TGM2: variants seen among roughly 807,000 people sequenced by gnomAD.
TGM2 encodes transglutaminase 2.
TGM2 carries 53 observed loss-of-function variants against 75.6 expected under a neutral mutation model. The ratio of observed to expected loss-of-function variants is 0.70; its 90% CI spans 0.56 to 0.88. The LOEUF (loss-of-function observed/expected upper bound fraction) is 0.88, where lower values mean the gene tolerates loss of function less well. Among genes scored for constraint, TGM2 ranks in the 40% least tolerant of loss-of-function variants. TGM2 has a pLI of 0.00. For synonymous variants in TGM2, 374 were observed against 381.1 expected, an observed-to-expected ratio of 0.98 and a Z score of 0.22; for missense variants, 842 against 928.5, an observed-to-expected ratio of 0.91 and a Z score of 1.21.
chr20:38,132,877 G>A, intron 10 of TGM2: 1 of 460,754 alleles, frequency 2.2e-6, no homozygotes, highest in Non-Finnish European at 4.4e-6. Context: ...GAAGAGCCTG[G>A]TGCGCTCGGG....
intron 10 of TGM2, among the ~76,000 whole-genome samples, chr20:38,136,803 G>T (rs553779537): frequency 6.6e-6 from 1 of 152,256 alleles, no homozygotes; most frequent in South Asian, 2.1e-4. Context: ...CTTGATTCCT[G>T]GTCCCTCACT....
At chr20:38,137,971 A>C in intron 10 of TGM2, 142 bp downstream of exon 10, 1 of 1,445,528 alleles carries the variant, frequency 6.9e-7, no homozygotes, top group Non-Finnish European at 9.1e-7. Context: ...ATATTTATAA[A>C]GTGCTTAGGA....
chr20:38,151,366 C>T (rs1384037196), intron 3 of TGM2, among the ~76,000 whole-genome samples: 1 of 152,066 alleles, frequency 6.6e-6, no homozygotes, highest in Non-Finnish European at 1.5e-5. Context: ...TCCTTGAAAG[C>T]CCCATTTTAA....
intron 10 of TGM2, among the ~76,000 whole-genome samples, chr20:38,136,861 G>A (rs1401708690): frequency 2.0e-5 from 3 of 152,184 alleles, no homozygotes; most frequent in Non-Finnish European, 4.4e-5. Context: ...AGGGCCTCAA[G>A]CTTATATTTA....
chr20:38,149,020 G>A (rs45581935), intron 4 of TGM2, among the ~76,000 whole-genome samples: 4,875 of 152,184 alleles, frequency 0.032, 158 homozygotes, highest in African/African-American at 0.084. Flanking sequence ...CTAATGTTCA[G>A]GGCTGTTCCA....
At chr20:38,144,522 C>A (rs1469798462) in intron 6 of TGM2, among the ~76,000 whole-genome samples, 1 of 152,180 alleles carries the variant, frequency 6.6e-6, no homozygotes, top group Admixed American at 6.6e-5. Flanking sequence ...GCTGGAATGC[C>A]AGGCTCCCCT....
intron 3 of TGM2, among the ~76,000 whole-genome samples, chr20:38,152,999 C>G (rs1415532697): frequency 7.0e-6 from 1 of 142,110 alleles, no homozygotes; most frequent in Non-Finnish European, 1.5e-5. Flanking sequence ...AGTTGCTACC[C>G]TCTGCAGATT....
In TGM2 at chr20:38,141,318, G is replaced by A; in HGVS notation, c.1063C>T (p.Gln355Ter). ...TCCTGGGGCGTTGGGTCCAGGGCCT[G>A]CCAGCCCTCGTACCCCGGCTGCAGG... ...PDLQPGYEGW[Q>*]ALDPTPQEKS... is the part of the protein sequence containing the mutation. Residue 355 changes from glutamine to a stop codon, truncating the protein, a stop_gained, in exon 8 of 13, where the codon CAG (glutamine) becomes TAG (stop). Coordinates refer to ENST00000361475, the MANE Select transcript of TGM2 (RefSeq NM_004613.4). LOFTEE classifies it high-confidence loss of function. 1.9e-6 allele frequency: 3 copies of A among 1,588,634 alleles called. No homozygotes were observed. The highest frequency in any genetic ancestry group is 2.7e-5 in the African/African-American group (2 of 74,702).
chr20:38,131,138 G>A lies in TGM2; in HGVS notation c.1868C>T (p.Thr623Ile), dbSNP rs775608378. 3.7e-6 allele frequency: 6 copies of A among 1,613,514 alleles called. No individual in the cohort carries two copies. Among genetic ancestry groups the A allele is most frequent in the Non-Finnish European group, 8.5e-7 (1 of 1,180,008 alleles). ...LPVALEGCTF[T>I]VEGAGLTEEQ... ...CTCAGTCAGGCCGGCCCCCTCCACA[G>A]TGAAGGTGCAGCCTTCCAGGGCCAC... is the stretch of plus-strand genomic sequence containing the variant. The change falls in exon 12 of 13, where the codon ACT becomes ATT. Residue 623 changes from threonine to isoleucine, a missense_variant. Thr to Ile is a moderately conservative substitution (Grantham distance 89). Coordinates refer to ENST00000361475, the MANE Select transcript of TGM2 (RefSeq NM_004613.4).
In TGM2 at chr20:38,155,972, T is replaced by A. The variant is rs377161987; in HGVS notation, c.308A>T (p.Gln103Leu). The A allele has an allele frequency of 2.3e-5, 37 of 1,613,338 alleles. No individual in the cohort carries two copies. The highest frequency in any genetic ancestry group is 3.1e-5 in the Non-Finnish European group (36 of 1,179,812). ...VDQQDCTLSLQLTTPANAPIG... is the reference protein window; with the variant it reads ...VDQQDCTLSLLLTTPANAPIG... ...GGGGGCGTTGGCCGGGGTGGTGAGC[T>A]GCAGCGAGAGGGTGCAGTCTTGCTG... The change falls in exon 3 of 13, where the codon CAG becomes CTG. Residue 103 changes from glutamine (Q) to leucine (L), a missense_variant. Gln to Leu is a moderately radical substitution (Grantham distance 113, BLOSUM62 -2). Coordinates refer to ENST00000361475, the MANE Select transcript of TGM2 (RefSeq NM_004613.4).
Position 38,130,027 on chromosome 20 carries a change from G to T in TGM2, c.*192C>A, listed in dbSNP as rs774977833. On this transcript the variant is annotated 3_prime_UTR_variant, in exon 13 of 13. Coordinates refer to ENST00000361475, the MANE Select transcript of TGM2 (RefSeq NM_004613.4). ...GCACAGAGCATTCCTCACAGCAAAG[G>T]GGGTGAGTGGGGACCCACAGGCTCA... The T allele has an allele frequency of 1.0e-5, 7 of 690,576 alleles. No individual in the cohort carries two copies. The highest frequency in any genetic ancestry group is 1.7e-5 in the Non-Finnish European group (7 of 414,138). The allele number at this position is 690,576 out of a possible 1,614,324, so 42.8% of individuals were successfully genotyped here. A position where few individuals can be genotyped will look rare whatever the true frequency, so the allele number is the denominator to read the frequency against.
intron 10 of TGM2, 122 bp downstream of exon 10, chr20:38,137,991 C>T (rs890481047): frequency 4.7e-6 from 7 of 1,475,628 alleles, no homozygotes; most frequent in Non-Finnish European, 6.3e-6. Flanking sequence ...ACAGGGCCTG[C>T]CCCAGAGTCA....
chr20:38,165,357 C>T (rs2075301064), upstream of TGM2: 6 of 1,021,180 alleles, frequency 5.9e-6, no homozygotes, highest in Non-Finnish European at 8.8e-6. Context: ...ACCTGGGAGG[C>T]CACCCATTGC....
Position 38,132,497 on chromosome 20 carries a change from T to C in TGM2, c.1619A>G (p.Lys540Arg), listed in dbSNP as rs2074847189. ...ATAGAGGATGCAAAGAGGAACGCTC[T>C]TCTCTGCAGAAGGGGAGAAAGGAGG... is the stretch of plus-strand genomic sequence containing the variant. ...LNLNLEPFSE[K>R]SVPLCILYEK... The change falls in exon 11 of 13, where the codon AAG (lysine) becomes AGG (arginine). Residue 540 changes from lysine (K) to arginine (R), a missense_variant. Coordinates refer to ENST00000361475, the MANE Select transcript of TGM2 (RefSeq NM_004613.4). The C allele has an allele frequency of 6.2e-7, 1 of 1,613,984 alleles. No homozygotes were observed. Among genetic ancestry groups the C allele is most frequent in the Non-Finnish European group, 8.5e-7 (1 of 1,180,010 alleles).
At position 38,132,342 on chromosome 20, in the gene TGM2, G is replaced by A. The variant is rs201666703; in HGVS notation, c.1774C>T (p.Arg592Trp). The A allele has an allele frequency of 1.5e-4, 237 of 1,614,034 alleles. 2 individuals are homozygous for A. In the East Asian group the frequency reaches 3.4e-3, roughly 23 times the overall value. ...LYLENPEIKI[R>W]ILGEPKQKRK... ...CCCCTTGCCCAGCCTGCCCTTACCC[G>A]GATCTTGATTTCTGGATTCTCCAGG... is the stretch of plus-strand genomic sequence containing the variant. The change falls in exon 11 of 13, where the codon CGG becomes TGG. Residue 592 changes from arginine to tryptophan, a missense_variant and splice_region_variant. By Grantham distance (101) the Arg-to-Trp change is moderately radical. Coordinates refer to ENST00000361475, the MANE Select transcript of TGM2 (RefSeq NM_004613.4).
At chr20:38,139,992 T>A (rs1172751354) in intron 8 of TGM2, among the ~76,000 whole-genome samples, 1 of 152,232 alleles carries the variant, frequency 6.6e-6, no homozygotes, top group Non-Finnish European at 1.5e-5. Flanking sequence ...TAGCCTATAC[T>A]AAATGCTATG....
rs45596832 is a variant in TGM2 at position 38,165,047 on chromosome 20, A to C, written c.10+142T>G. ...TGTGGATGGGGAAACTGAGGCTCCA[A>C]GCAGCATTGAGACGCCTCCTCACCC... On this transcript the variant is annotated intron_variant, in intron 1 of 12. Coordinates refer to ENST00000361475, the MANE Select transcript of TGM2 (RefSeq NM_004613.4). 6,684 of 1,210,332 alleles carry C rather than the reference A, an allele frequency of 5.5e-3. 275 individuals are homozygous for C. In the African/African-American group the frequency reaches 0.087, roughly 16 times the overall value. 75.0% of individuals were successfully genotyped at this position (1,210,332 alleles called of 1,614,324 possible).
At chr20:38,148,483 C>T (rs2075074269) in intron 4 of TGM2, among the ~76,000 whole-genome samples, 1 of 152,176 alleles carries the variant, frequency 6.6e-6, no homozygotes, top group South Asian at 2.1e-4. Context: ...AAGGCGTGAC[C>T]CACCCTGCAG....
Position 38,161,459 on chromosome 20 carries a change from C to T in TGM2, c.151G>A (p.Glu51Lys), listed in dbSNP as rs1062735. 4.3e-6 allele frequency: 7 copies of T among 1,614,028 alleles called. No homozygotes were observed. In the African/African-American group the frequency reaches 6.7e-5, roughly 15 times the overall value. ...LTLHFEGRNYEASVDSLTFSV... is the reference protein window; with the variant it reads ...LTLHFEGRNYKASVDSLTFSV... ...AAGGTGAGACTGTCTACACTGGCCT[C>T]GTAGTTGCGGCCCTCAAAGTGCAGG... Residue 51 changes from glutamate (E) to lysine (K), a missense_variant, in exon 2 of 13, where the codon GAG becomes AAG. By Grantham distance (56) the Glu-to-Lys change is moderately conservative. Coordinates refer to ENST00000361475, the MANE Select transcript of TGM2 (RefSeq NM_004613.4).
Sources: gnomAD v4.1 joint callset for allele counts (sites outside exome capture counted in the v4.1 genomes callset) on GRCh38, gnomAD v4.1.1 for gene constraint, MANE v1.5 for transcripts, NCBI Gene and HGNC (gene_info 2026-07-23, HGNC 2026-07-21) for gene names.